CHRNB1: variants seen among roughly 807,000 people sequenced by gnomAD.
CHRNB1 encodes cholinergic receptor nicotinic beta 1 subunit.
A neutral mutation model predicts 53.8 loss-of-function variants in CHRNB1; 47 were observed. The observed-to-expected ratio is 0.87, with a 90% CI of 0.69 to 1.11. The LOEUF (loss-of-function observed/expected upper bound fraction) is 1.11, where lower values mean the gene tolerates loss of function less well. Ranked by LOEUF, CHRNB1 falls within the 50% of genes most tolerant of loss-of-function variation. The pLI is 0.00. For synonymous variants in CHRNB1, 259 were observed against 263.5 expected, an observed-to-expected ratio of 0.98 and a Z score of 0.16; for missense variants, 605 against 654.9, an observed-to-expected ratio of 0.92 and a Z score of 0.83.
intron 7 of CHRNB1, among the ~76,000 whole-genome samples, chr17:7,453,283 A>G (rs12938637): frequency 0.17 from 25,150 of 151,716 alleles, 2,262 homozygotes; most frequent in South Asian, 0.21. Context: ...ATGCCCAGCT[A>G]ATTTTTTGTA....
rs2069945983 is a variant in CHRNB1 at position 7,455,955 on chromosome 17, G to A, written c.1365+14G>A. ...GACCACGATGCGGTATGTCCAACGGGGGTGGAACAAGGCCAGGTCTAGGCG... is the reference window on the plus strand; with the variant it reads ...GACCACGATGCGGTATGTCCAACGGAGGTGGAACAAGGCCAGGTCTAGGCG... On this transcript the variant is annotated intron_variant, in intron 10 of 10. Coordinates refer to ENST00000306071, the MANE Select transcript of CHRNB1 (RefSeq NM_000747.3). 2 of 1,613,978 alleles carry A rather than the reference G, an allele frequency of 1.2e-6. No individual in the cohort carries two copies. Among genetic ancestry groups the A allele is most frequent in the Non-Finnish European group, 1.7e-6 (2 of 1,180,010 alleles).
At chr17:7,447,391 C>A (rs1597749535) in intron 5 of CHRNB1, 112 bp from the exon 6 acceptor site, 4 of 1,309,604 alleles carry the variant, frequency 3.1e-6, no homozygotes, top group African/African-American at 1.4e-5. Context: ...CCCTTCATAA[C>A]CCTCCAATTC....
At chr17:7,455,150 T>G in intron 8 of CHRNB1, 134 bp from the exon 9 acceptor site, 1 of 1,013,652 alleles carries the variant, frequency 9.9e-7, no homozygotes, top group East Asian at 2.4e-5. Flanking sequence ...TTTCCTTGTG[T>G]AGCTCGTTTG....
At chr17:7,447,418 C>A in intron 5 of CHRNB1, 85 bp from the exon 6 acceptor site, 1 of 1,510,488 alleles carries the variant, frequency 6.6e-7, no homozygotes, top group Non-Finnish European at 9.2e-7. Flanking sequence ...GATTTCCCTT[C>A]TCTGTGCCCT....
chr17:7,449,244 C>T (rs1597751331), intron 7 of CHRNB1, among the ~76,000 whole-genome samples: 1 of 151,544 alleles, frequency 6.6e-6, no homozygotes, highest in East Asian at 1.9e-4. Context: ...GCTGGGACTA[C>T]AGGTGCCCGC....
Position 7,445,417 on chromosome 17 carries a change from C to A in CHRNB1, c.198+8C>A, listed in dbSNP as rs1452929919. 3 of 1,609,622 alleles carry A rather than the reference C, an allele frequency of 1.9e-6. No homozygotes were observed. Among genetic ancestry groups the A allele is most frequent in the South Asian group, 2.2e-5 (2 of 90,822 alleles). On this transcript the variant is annotated splice_region_variant and intron_variant, in intron 2 of 10. Coordinates refer to ENST00000306071, the MANE Select transcript of CHRNB1 (RefSeq NM_000747.3). This position sits in a 1 kb window ranked among gnomAD's most constrained non-coding sequence, Gnocchi z 5.7. ...GCGCAACTCATCAGCCTGGTGAGGG[C>A]GCGCGGGGGGTGGAGGTCAGGCCAG...
Position 7,445,138 on chromosome 17 carries a change from GGGC to G in CHRNB1, c.12_14del (p.Ala5del). ...GCGAGCCGCCAGGCTATGACCCCAG[GGGC>G]TCTGCTGATGCTGCTGGGGGCGCTG... On this transcript the variant is annotated inframe_deletion, in exon 1 of 11. Transcript: ENST00000306071. This position sits in a 1 kb window ranked among gnomAD's most constrained non-coding sequence, Gnocchi z 5.7. 6.2e-7 allele frequency: 1 copy of G among 1,609,018 alleles called. No homozygotes were observed. Among genetic ancestry groups the G allele is most frequent in the Non-Finnish European group, 8.5e-7 (1 of 1,179,578 alleles).
intron 7 of CHRNB1, among the ~76,000 whole-genome samples, chr17:7,449,438 T>G (rs111647739): frequency 0.16 from 22,785 of 138,636 alleles, 2,072 homozygotes; most frequent in South Asian, 0.23. Flanking sequence ...GACAGAGTCT[T>G]GCTCTTTTGC....
chr17:7,447,290 C>G (rs1908680031), intron 5 of CHRNB1, 139 bp downstream of exon 5: 1 of 929,924 alleles, frequency 1.1e-6, no homozygotes, highest in African/African-American at 1.6e-5. Flanking sequence ...CGTCTACCCT[C>G]CTGGTTTTCC....
Position 7,454,383 on chromosome 17 carries a change from C to G in CHRNB1, c.907C>G (p.Leu303Val). The change falls in exon 8 of 11, where the codon CTA becomes GTA. Residue 303 changes from leucine to valine, a missense_variant. Leu to Val is a conservative substitution (Grantham distance 32). Transcript: ENST00000306071. ...LLADKVPETS[L>V]SVPIIIKYLM... ...GGCTGACAAAGTACCTGAGACCTCA[C>G]TATCAGTACCCATTATTATCAAGTA... 6.2e-7 allele frequency: 1 copy of G among 1,614,174 alleles called. No homozygotes were observed. Among genetic ancestry groups the G allele is most frequent in the Non-Finnish European group, 8.5e-7 (1 of 1,180,010 alleles).
At chr17:7,447,736 T>C (rs1908701628) in intron 6 of CHRNB1, 86 bp downstream of exon 6, 20 of 1,523,474 alleles carry the variant, frequency 1.3e-5, no homozygotes, top group Non-Finnish European at 1.5e-5. Context: ...TGATGCCCAA[T>C]ATAGCCCTGT....
At chr17:7,447,791 G>T (rs2150838794) in intron 6 of CHRNB1, 141 bp downstream of exon 6, 1 of 1,070,212 alleles carries the variant, frequency 9.3e-7, no homozygotes, top group Non-Finnish European at 1.4e-6. Context: ...TAAAAGTATG[G>T]AAATTGCCGG....
chr17:7,453,349 C>T (rs965379338), intron 7 of CHRNB1, among the ~76,000 whole-genome samples: 246 of 152,076 alleles, frequency 1.6e-3, no homozygotes, highest in Non-Finnish European at 2.3e-3. Context: ...GAACCCCTGA[C>T]CTCAGGTGAT....
At chr17:7,447,481 A>G (rs767392202) in intron 5 of CHRNB1, 22 bp from the exon 6 acceptor site, 1 of 1,613,992 alleles carries the variant, frequency 6.2e-7, no homozygotes, top group East Asian at 2.2e-5. Flanking sequence ...TGGCAGCTCT[A>G]GTGACTCTCT....
At chr17:7,456,411 C>T (rs1471084544) in intron 10 of CHRNB1, among the ~76,000 whole-genome samples, 172 bp from the exon 11 acceptor site, 2 of 152,082 alleles carry the variant, frequency 1.3e-5, no homozygotes. Context: ...TGCTTACCTA[C>T]TGGTTCTTTA....
chr17:7,450,043 AT>A (rs1908828240), intron 7 of CHRNB1, among the ~76,000 whole-genome samples: 2 of 92,806 alleles, frequency 2.2e-5, no homozygotes, highest in Non-Finnish European at 4.2e-5. Flanking sequence ...GTCTCAAAAA[AT>A]AAATAAATAA....
intron 3 of CHRNB1, 94 bp downstream of exon 3, chr17:7,446,207 C>T (rs1214123424): frequency 1.9e-6 from 2 of 1,071,630 alleles, no homozygotes; most frequent in Admixed American, 3.5e-5. Flanking sequence ...TACATCATGA[C>T]TTTAGATAAC....
chr17:7,445,855 G>A lies in CHRNB1; in HGVS notation c.199-214G>A. ...GGGCTAGGCAGGGGCGGGTCTGGTA[G>A]GTTGATAGGCTGGGAGTGTAGACGG... On this transcript the variant is annotated intron_variant, in intron 2 of 10. Transcript: ENST00000306071. The surrounding 1 kb of genome is among the most constrained non-coding windows in gnomAD (Gnocchi z 5.7). 1 of 632,222 alleles carries A rather than the reference G, an allele frequency of 1.6e-6. No homozygotes were observed. Among genetic ancestry groups the A allele is most frequent in the Non-Finnish European group, 2.8e-6 (1 of 356,090 alleles). 39.2% of individuals were successfully genotyped at this position (632,222 alleles called of 1,614,324 possible).
At position 7,455,952 on chromosome 17, in the gene CHRNB1, C is replaced by A; in HGVS notation, c.1365+11C>A. 6.2e-7 allele frequency: 1 copy of A among 1,611,860 alleles called. No homozygotes were observed. The highest frequency in any genetic ancestry group is 8.5e-7 in the Non-Finnish European group (1 of 1,179,134). On this transcript the variant is annotated intron_variant, in intron 10 of 10. Coordinates refer to ENST00000306071, the MANE Select transcript of CHRNB1 (RefSeq NM_000747.3). ...GAGGACCACGATGCGGTATGTCCAACGGGGGTGGAACAAGGCCAGGTCTAG... is the reference window on the plus strand; with the variant it reads ...GAGGACCACGATGCGGTATGTCCAAAGGGGGTGGAACAAGGCCAGGTCTAG...
Sources: allele counts gnomAD v4.1 joint callset (sites outside exome capture counted in the v4.1 genomes callset), GRCh38; gene constraint gnomAD v4.1.1; non-coding constraint Gnocchi (gnomAD v3.1); transcripts MANE v1.5; gene names NCBI Gene and HGNC (gene_info 2026-07-23, HGNC 2026-07-21).